TENM2: variants seen among roughly 807,000 people sequenced by gnomAD.
TENM2 encodes the protein teneurin transmembrane protein 2.
A neutral mutation model predicts 245.2 loss-of-function variants in TENM2; 52 were observed. The observed-to-expected ratio is 0.21, with a 90% CI of 0.17 to 0.27. The LOEUF is 0.27. TENM2 is among the 10% of genes least tolerant of loss of function. The pLI is 1.00. For missense variants in TENM2, 3,046 were observed against 3,666.8 expected, an observed-to-expected ratio of 0.83 and a Z score of 4.37; for synonymous variants, 1,363 against 1,438.9, an observed-to-expected ratio of 0.95 and a Z score of 1.19.
intron 2 of TENM2, among the ~76,000 whole-genome samples, chr5:167,453,590 C>A (rs1485072115): frequency 6.6e-6 from 1 of 152,084 alleles, no homozygotes; most frequent in Admixed American, 6.6e-5. Flanking sequence ...TTAAGAAAAG[C>A]CATTAAATTA....
chr5:167,999,009 C>T (rs1467385172), intron 5 of TENM2, among the ~76,000 whole-genome samples: 1 of 152,126 alleles, frequency 6.6e-6, no homozygotes, highest in Non-Finnish European at 1.5e-5. Context: ...TTTGTGTATT[C>T]TCATCTCACT....
intron 1 of TENM2, among the ~76,000 whole-genome samples, chr5:167,312,867 G>T (rs1180188758): frequency 6.6e-6 from 1 of 150,412 alleles, no homozygotes; most frequent in Non-Finnish European, 1.5e-5. Flanking sequence ...AGAATCAAGC[G>T]ACAGGATAGC....
At chr5:167,669,840 A>G (rs1755818024) in intron 2 of TENM2, among the ~76,000 whole-genome samples, 1 of 150,232 alleles carries the variant, frequency 6.7e-6, no homozygotes, top group Non-Finnish European at 1.5e-5. Context: ...TAATTGCAAA[A>G]TCTATTGCTG....
At chr5:167,901,806 GT>G (rs957413679) in intron 3 of TENM2, among the ~76,000 whole-genome samples, 11 of 151,892 alleles carry the variant, frequency 7.2e-5, no homozygotes, top group African/African-American at 2.4e-4. Flanking sequence ...TCAATTTTTT[GT>G]TATGTAAAAT....
At position 168,105,048 on chromosome 5, in the gene TENM2, G is replaced by A. The variant is rs113323482; in HGVS notation, c.1813+6921G>A. Among the ~76,000 whole-genome samples the A allele has an allele frequency of 6.6e-3, 1,008 of 152,182 alleles. 7 individuals are homozygous for A. The highest frequency in any genetic ancestry group is 0.023 in the African/African-American group (967 of 41,530). ...ATGGGAGTCCAAAATACTGTGATAC[G>A]GACTTTGAATGCCATAGACATTCCA... On this transcript the variant is annotated intron_variant, in intron 9 of 28. Coordinates refer to ENST00000518659, the Ensembl canonical transcript of TENM2.
chr5:167,875,875 CTTT>C (rs11290475), intron 2 of TENM2, 108 bp from the exon 5 acceptor site: 256 of 583,876 alleles, frequency 4.4e-4, no homozygotes, highest in Non-Finnish European at 5.9e-4. Context: ...CAGTTCATTT[CTTT>C]TTTTTTTTTT....
chr5:168,205,913 T>C (rs866575781), intron 19 of TENM2, among the ~76,000 whole-genome samples: 33 of 152,052 alleles, frequency 2.2e-4, no homozygotes, highest in African/African-American at 7.5e-4. Context: ...GGAAAACCCA[T>C]AGGGAAGCTG....
At chr5:167,755,201 G>A in intron 2 of TENM2, 1 of 1,595,608 alleles carries the variant, frequency 6.3e-7, no homozygotes, top group African/African-American at 1.3e-5. Context: ...GGGTAAGGAT[G>A]ATGGATGTGC....
the TENM2 span, among the ~76,000 whole-genome samples, chr5:167,062,627 G>A: frequency 6.6e-6 from 1 of 152,202 alleles, no homozygotes. Flanking sequence ...CATGCCAGGT[G>A]TTGTTCTAGA....
intron 27 of TENM2, among the ~76,000 whole-genome samples, chr5:168,254,454 G>A (rs1396606190): frequency 1.4e-5 from 2 of 147,586 alleles, no homozygotes; most frequent in African/African-American, 5.3e-5. Flanking sequence ...GAGAGGAAGA[G>A]GAAGAAGGGG....
chr5:167,559,609 T>C (rs2127637897), intron 2 of TENM2, among the ~76,000 whole-genome samples: 1 of 152,286 alleles, frequency 6.6e-6, no homozygotes, highest in East Asian at 1.9e-4. Flanking sequence ...CTCCCACCTG[T>C]AGTTTTTTTC....
intron 3 of TENM2, among the ~76,000 whole-genome samples, chr5:167,898,990 AAG>A (rs1409892413): frequency 6.6e-6 from 1 of 152,082 alleles, no homozygotes; most frequent in African/African-American, 2.4e-5. Flanking sequence ...GATTTCAGGG[AAG>A]AGAGGCAAGA....
chr5:167,357,679 A>G (rs1181465579), intron 1 of TENM2, among the ~76,000 whole-genome samples: 2 of 152,222 alleles, frequency 1.3e-5, no homozygotes, highest in Admixed American at 1.3e-4. Context: ...AGGCTAGTGA[A>G]TGATGACTTG....
At chr5:168,213,787 T>C (rs552838313) in intron 20 of TENM2, among the ~76,000 whole-genome samples, 1 of 152,210 alleles carries the variant, frequency 6.6e-6, no homozygotes, top group African/African-American at 2.4e-5. Flanking sequence ...TGAGCTAGAA[T>C]TGTGCCACTG....
At chr5:167,431,560 T>G (rs1288260382) in intron 2 of TENM2, among the ~76,000 whole-genome samples, 1 of 152,116 alleles carries the variant, frequency 6.6e-6, no homozygotes, top group African/African-American at 2.4e-5. Flanking sequence ...CATTATTATA[T>G]CTCTCCTTTC....
chr5:167,959,742 G>A (rs987126609), intron 4 of TENM2, among the ~76,000 whole-genome samples: 2 of 152,096 alleles, frequency 1.3e-5, no homozygotes, highest in African/African-American at 4.8e-5. Flanking sequence ...TTGTTCCCTT[G>A]CTGGTGAGGA....
At chr5:167,382,470 C>G (rs902869185) in intron 2 of TENM2, among the ~76,000 whole-genome samples, 1 of 152,156 alleles carries the variant, frequency 6.6e-6, no homozygotes, top group Non-Finnish European at 1.5e-5. Flanking sequence ...CAGGAATGTT[C>G]TTCAACCAGT....
In TENM2 at chr5:167,730,413, A is replaced by G. The variant is rs115831991; in HGVS notation, c.503-145573A>G. Among the ~76,000 whole-genome samples, 731 of 152,318 alleles carry G rather than the reference A, an allele frequency of 4.8e-3. 8 individuals carry two copies. The highest frequency in any genetic ancestry group is 0.017 in the African/African-American group (689 of 41,580). On this transcript the variant is annotated intron_variant, in intron 2 of 28. Coordinates refer to ENST00000518659, the Ensembl canonical transcript of TENM2. ...TTTGAAAACCAGAGGAGAGGCCCACATTTGAGTTTATCTGTAAACACCCGT... is the reference window on the plus strand; with the variant it reads ...TTTGAAAACCAGAGGAGAGGCCCACGTTTGAGTTTATCTGTAAACACCCGT...
intron 1 of TENM2, among the ~76,000 whole-genome samples, chr5:167,364,157 A>G (rs939173707): frequency 6.6e-6 from 1 of 152,044 alleles, no homozygotes; most frequent in South Asian, 2.1e-4. Flanking sequence ...TAAATATATA[A>G]AAGAGGCAAT....
Sources: gnomAD v4.1 joint callset for allele counts (sites outside exome capture counted in the v4.1 genomes callset) on GRCh38, gnomAD v4.1.1 for gene constraint, MANE v1.5 for transcripts, NCBI Gene and HGNC (gene_info 2026-07-23, HGNC 2026-07-21) for gene names.